The following KCNMB4 variants were observed in gnomAD, a reference collection of about 807,000 sequenced individuals.
KCNMB4 encodes the protein potassium calcium-activated channel subfamily M regulatory beta subunit 4, also known as calcium-activated potassium channel subunit beta-4.
In KCNMB4, 3 loss-of-function variants were observed where a neutral mutation model predicts 20.7. The ratio of observed to expected loss-of-function variants is 0.14; its 90% CI spans 0.07 to 0.37. KCNMB4 has a LOEUF of 0.37. Ranked by LOEUF, KCNMB4 falls within the 10% of genes least tolerant of loss-of-function variation. The pLI is 1.00. For synonymous variants in KCNMB4, 110 were observed against 113.4 expected (o/e 0.97, Z 0.19); for missense variants, 168 against 265.9 (o/e 0.63, Z 2.56).
intron 1 of KCNMB4, among the ~76,000 whole-genome samples, chr12:70,378,521 A>AT (rs1316310220): frequency 5.9e-5 from 9 of 152,014 alleles, no homozygotes; most frequent in Admixed American, 5.9e-4. Flanking sequence ...TATGAAGTGT[A>AT]TTTTTTATTT....
intron 1 of KCNMB4, among the ~76,000 whole-genome samples, chr12:70,369,204 G>C (rs1050073555): frequency 2.0e-5 from 3 of 152,118 alleles, no homozygotes; most frequent in Non-Finnish European, 1.5e-5. Flanking sequence ...TCTTTATCCA[G>C]ATTATAATTA....
chr12:70,410,371 C>T (rs936702370), intron 2 of KCNMB4, among the ~76,000 whole-genome samples: 10 of 152,238 alleles, frequency 6.6e-5, no homozygotes, highest in African/African-American at 2.4e-4. Flanking sequence ...TCCTCTTCTG[C>T]AGTCCCACAC....
At chr12:70,373,074 A>T (rs1446898315) in intron 1 of KCNMB4, among the ~76,000 whole-genome samples, 1 of 152,142 alleles carries the variant, frequency 6.6e-6, no homozygotes, top group Non-Finnish European at 1.5e-5. Flanking sequence ...CTTGGGGGTA[A>T]GGCTGGAGAG....
chr12:70,382,099 T>C (rs1368298203), intron 1 of KCNMB4, among the ~76,000 whole-genome samples: 1 of 152,242 alleles, frequency 6.6e-6, no homozygotes, highest in Non-Finnish European at 1.5e-5. Flanking sequence ...GGAAAATATT[T>C]ACTTAGAAAT....
intron 2 of KCNMB4, among the ~76,000 whole-genome samples, chr12:70,425,418 A>G (rs1389152275): frequency 6.6e-6 from 1 of 152,208 alleles, no homozygotes; most frequent in Non-Finnish European, 1.5e-5. Flanking sequence ...AGCCTGGGCG[A>G]CAGAGCAAGA....
At chr12:70,399,219 A>G (rs1310338190) in intron 1 of KCNMB4, among the ~76,000 whole-genome samples, 1 of 152,220 alleles carries the variant, frequency 6.6e-6, no homozygotes, top group African/African-American at 2.4e-5. Flanking sequence ...AAATTAAACA[A>G]TGTGACTGAA....
chr12:70,389,619 G>A (rs1194793191), intron 1 of KCNMB4, among the ~76,000 whole-genome samples: 1 of 152,130 alleles, frequency 6.6e-6, no homozygotes, highest in Non-Finnish European at 1.5e-5. Context: ...ACTTGAGCCT[G>A]GGAGGTTGAG....
chr12:70,380,455 G>A lies in KCNMB4; in HGVS notation c.336+13385G>A, dbSNP rs74104018. Among the ~76,000 whole-genome samples the A allele has an allele frequency of 7.8e-3, 1,189 of 152,132 alleles. 11 individuals are homozygous for A. The highest frequency in any genetic ancestry group is 0.026 in the African/African-American group (1,074 of 41,508). On this transcript the variant is annotated intron_variant, in intron 1 of 2. Coordinates refer to ENST00000258111, the MANE Select transcript of KCNMB4 (RefSeq NM_014505.6). ...GACATGAAGTAAGTGCATGCTGTTG[G>A]AAAAAATGGTGCCAATGGACTTGTT...
intron 1 of KCNMB4, among the ~76,000 whole-genome samples, chr12:70,379,237 C>T (rs539302545): frequency 6.6e-6 from 1 of 152,322 alleles, no homozygotes; most frequent in South Asian, 2.1e-4. Flanking sequence ...AAGAGTCAGC[C>T]TGTTCTTTGA....
chr12:70,410,405 T>C (rs1253344212), intron 2 of KCNMB4, among the ~76,000 whole-genome samples: 1 of 152,228 alleles, frequency 6.6e-6, no homozygotes, highest in African/African-American at 2.4e-5. Context: ...TTTATCACAC[T>C]GTTAAGAGAG....
chr12:70,369,067 T>C (rs1402961668), intron 1 of KCNMB4, among the ~76,000 whole-genome samples: 2 of 152,192 alleles, frequency 1.3e-5, no homozygotes, highest in Non-Finnish European at 2.9e-5. Context: ...CTGAACAAAA[T>C]ACATTTTATA....
intron 1 of KCNMB4, among the ~76,000 whole-genome samples, chr12:70,371,918 A>G (rs2136114291): frequency 6.6e-6 from 1 of 152,318 alleles, no homozygotes; most frequent in South Asian, 2.1e-4. Context: ...GGATAAAGAA[A>G]ATTTGGGCAG....
At chr12:70,418,079 A>G (rs958093998) in intron 2 of KCNMB4, among the ~76,000 whole-genome samples, 4 of 152,200 alleles carry the variant, frequency 2.6e-5, no homozygotes, top group African/African-American at 9.7e-5. Flanking sequence ...GTCTGTGCAC[A>G]TCATACCCAG....
At chr12:70,427,376 AATG>A (rs1273657239) in intron 2 of KCNMB4, among the ~76,000 whole-genome samples, 1 of 152,238 alleles carries the variant, frequency 6.6e-6, no homozygotes, top group Non-Finnish European at 1.5e-5. Flanking sequence ...CAAAAAACTG[AATG>A]ATAAGCGTGA....
chr12:70,411,314 C>T (rs1021660708), intron 2 of KCNMB4, among the ~76,000 whole-genome samples: 8 of 151,992 alleles, frequency 5.3e-5, no homozygotes, highest in Admixed American at 2.0e-4. Context: ...GCTACCTCAA[C>T]GGTAATTGAG....
intron 1 of KCNMB4, among the ~76,000 whole-genome samples, chr12:70,398,541 G>T (rs1259624106): frequency 4.6e-5 from 7 of 152,046 alleles, no homozygotes; most frequent in Non-Finnish European, 7.4e-5. Flanking sequence ...AACATTCAGT[G>T]ATTCAATCAT....
intron 1 of KCNMB4, among the ~76,000 whole-genome samples, chr12:70,370,769 G>GA (rs1883578818): frequency 2.1e-5 from 2 of 96,958 alleles, no homozygotes; most frequent in South Asian, 3.6e-4. Flanking sequence ...ACATTGGATG[G>GA]CCAAAAAAAA....
chr12:70,405,432 A>G (rs1044093572), intron 2 of KCNMB4, among the ~76,000 whole-genome samples: 3 of 152,204 alleles, frequency 2.0e-5, no homozygotes, highest in Non-Finnish European at 2.9e-5. Context: ...TCAAAGCCAC[A>G]ATGTAATGTC....
chr12:70,412,466 AAT>A lies in KCNMB4; in HGVS notation c.464+12133_464+12134del, dbSNP rs1334448773. On this transcript the variant is annotated intron_variant, in intron 2 of 2. Transcript: ENST00000258111. ...TTACATGCTTAGAAATAGGCATCTG[AAT>A]ATGTTTATAACCAATAGAGTGAAAA... Among the ~76,000 whole-genome samples the A allele has an allele frequency of 2.6e-5, 4 of 152,330 alleles. No homozygotes were observed. The East Asian group carries it at 7.7e-4, about 29-fold the overall frequency.
Sources: gnomAD v4.1 joint callset for allele counts (sites outside exome capture counted in the v4.1 genomes callset) on GRCh38, gnomAD v4.1.1 for gene constraint, MANE v1.5 for transcripts, NCBI Gene and HGNC (gene_info 2026-07-23, HGNC 2026-07-21) for gene names.